The following TMEM9B variants were observed in gnomAD, a reference collection of about 807,000 sequenced individuals.
TMEM9B encodes transmembrane protein 9B.
A neutral mutation model predicts 23.5 loss-of-function variants in TMEM9B; 8 were observed. The observed-to-expected ratio is 0.34, with a 90% CI of 0.20 to 0.61. TMEM9B has a LOEUF of 0.61. TMEM9B is among the 20% of genes least tolerant of loss of function. The probability of loss-of-function intolerance (pLI) is 0.78; values close to 1 mark genes in which losing one functional copy is unlikely to be tolerated. For synonymous variants in TMEM9B, 106 were observed against 96.3 expected (o/e 1.10, Z -0.59); for missense variants, 197 against 252.3 (o/e 0.78, Z 1.49).
chr11:8,948,617 A>G, intron 4 of TMEM9B, 142 bp from the exon 5 acceptor site: 1 of 905,792 alleles, frequency 1.1e-6, no homozygotes, highest in South Asian at 1.8e-5. Flanking sequence ...AGCACTCCTA[A>G]GCGCTCAACT....
intron 1 of TMEM9B, among the ~76,000 whole-genome samples, chr11:8,963,011 TAGTG>T (rs1178491394): frequency 6.6e-6 from 1 of 152,320 alleles, no homozygotes; most frequent in African/African-American, 2.4e-5. Flanking sequence ...AGCAACCACT[TAGTG>T]AGCATTTGCT....
chr11:8,948,526 C>T (rs549783849), intron 4 of TMEM9B, 51 bp from the exon 5 acceptor site: 23 of 1,583,256 alleles, frequency 1.5e-5, no homozygotes, highest in East Asian at 2.2e-5. Context: ...CAGTGTAAAA[C>T]ATAGACACAC....
chr11:8,959,128 G>T (rs1386764151), intron 2 of TMEM9B, among the ~76,000 whole-genome samples: 2 of 152,188 alleles, frequency 1.3e-5, no homozygotes, highest in Non-Finnish European at 2.9e-5. Flanking sequence ...GCTTAGAGAA[G>T]GTCACAGAGT....
intron 3 of TMEM9B, among the ~76,000 whole-genome samples, chr11:8,955,649 G>A (rs1853961285): frequency 6.6e-6 from 1 of 152,136 alleles, no homozygotes; most frequent in African/African-American, 2.4e-5. Context: ...ACAGGAGGTG[G>A]AGCTCAGGTG....
At position 8,956,394 on chromosome 11, in the gene TMEM9B, T is replaced by C. The variant is rs1853974608; in HGVS notation, c.198-96A>G. 7 of 863,596 alleles carry C rather than the reference T, an allele frequency of 8.1e-6. No individual in the cohort carries two copies. In the South Asian group the frequency reaches 8.3e-5, roughly 10 times the overall value. 53.5% of individuals were successfully genotyped at this position (863,596 alleles called of 1,614,324 possible). A position where few individuals can be genotyped will look rare whatever the true frequency, so the allele number is the denominator to read the frequency against. On this transcript the variant is annotated intron_variant, in intron 2 of 4. Transcript: ENST00000534025. ...TGAAATCTAGAATAATCACTAAACT[T>C]ACCCAATGAAAGAGCATAAAAAACA...
At chr11:8,959,384 G>A (rs2134874065) in intron 2 of TMEM9B, among the ~76,000 whole-genome samples, 1 of 152,346 alleles carries the variant, frequency 6.6e-6, no homozygotes, top group South Asian at 2.1e-4. Flanking sequence ...GCTGCAATGA[G>A]CTATGATCGT....
chr11:8,962,241 A>G (rs1187631767), intron 1 of TMEM9B, 58 bp from the exon 2 acceptor site: 17 of 1,133,556 alleles, frequency 1.5e-5, no homozygotes, highest in Non-Finnish European at 1.9e-5. Flanking sequence ...ATATTTTTAA[A>G]AACTGTACCA....
chr11:8,953,199 TTA>T lies in TMEM9B; in HGVS notation c.441+2_441+3del. 6.2e-7 allele frequency: 1 copy of T among 1,614,164 alleles called. No homozygotes were observed. Among genetic ancestry groups the T allele is most frequent in the African/African-American group, 1.3e-5 (1 of 75,018 alleles). On this transcript the variant is annotated splice_donor_variant and splice_donor_region_variant and intron_variant, in intron 4 of 4. Coordinates refer to ENST00000534025, the MANE Select transcript of TMEM9B (RefSeq NM_020644.3). LOFTEE classifies it high-confidence loss of function. ...TGAGCAGCTAGGGCAGGCTGGGAAC[TTA>T]CCCCAATATCATCATCACTCTGTAT...
At chr11:8,952,249 T>TATAC (rs1555228002) in intron 4 of TMEM9B, among the ~76,000 whole-genome samples, 4 of 122,648 alleles carry the variant, frequency 3.3e-5, no homozygotes, top group African/African-American at 5.7e-5. Flanking sequence ...GCCAACTATA[T>TATAC]ACACACACAC....
chr11:8,961,605 C>T (rs1033681708), intron 2 of TMEM9B, among the ~76,000 whole-genome samples: 12 of 152,248 alleles, frequency 7.9e-5, no homozygotes, highest in Non-Finnish European at 2.9e-5. Context: ...TCTTCATTTA[C>T]ACCAAATGGG....
intron 3 of TMEM9B, among the ~76,000 whole-genome samples, chr11:8,954,868 T>C (rs920970617): frequency 1.3e-5 from 2 of 151,806 alleles, no homozygotes; most frequent in Non-Finnish European, 2.9e-5. Flanking sequence ...TAAAAAAAAA[T>C]TAGGCCAGGC....
In TMEM9B at chr11:8,948,295, T is replaced by C. The variant is rs746629765; in HGVS notation, c.*25A>G. On this transcript the variant is annotated 3_prime_UTR_variant, in exon 5 of 5. Coordinates refer to ENST00000534025, the MANE Select transcript of TMEM9B (RefSeq NM_020644.3). ...TTCCAGTTGTCTGCCTGTTTCTTTCTAGTCACCTTGAATTCAATTCCCAAT... is the reference window on the plus strand; with the variant it reads ...TTCCAGTTGTCTGCCTGTTTCTTTCCAGTCACCTTGAATTCAATTCCCAAT... The C allele has an allele frequency of 2.5e-6, 4 of 1,606,420 alleles. 1 individual carries two copies. The South Asian group carries it at 3.3e-5, about 13-fold the overall frequency.
chr11:8,961,919 G>A (rs1013490370), intron 2 of TMEM9B, among the ~76,000 whole-genome samples, 173 bp downstream of exon 2: 3 of 152,150 alleles, frequency 2.0e-5, no homozygotes, highest in African/African-American at 7.2e-5. Context: ...AGGCCTGCAG[G>A]CATCATGCAC....
chr11:8,958,393 C>T (rs1465225751), intron 2 of TMEM9B, among the ~76,000 whole-genome samples: 2 of 145,138 alleles, frequency 1.4e-5, no homozygotes, highest in South Asian at 2.2e-4. Flanking sequence ...ACCTGGGAGG[C>T]AGAGGTTGTA....
chr11:8,960,873 C>A (rs1854067318), intron 2 of TMEM9B, among the ~76,000 whole-genome samples: 1 of 151,862 alleles, frequency 6.6e-6, no homozygotes, highest in Non-Finnish European at 1.5e-5. Context: ...TTAGTAGAGA[C>A]AGGGTTTCAC....
At position 8,957,459 on chromosome 11, in the gene TMEM9B, T is replaced by C. The variant is rs759413240; in HGVS notation, c.198-1161A>G. Among the ~76,000 whole-genome samples the C allele has an allele frequency of 2.6e-5, 4 of 152,248 alleles. No individual in the cohort carries two copies. Among genetic ancestry groups the C allele is most frequent in the Admixed American group, 6.5e-5 (1 of 15,284 alleles). Reference sequence around the variant, plus strand: ...AGCTTTCCTGTCCTCCTGCCAGCTGTTGGACAATTTTCTTTCCTTTTGGCA... The same window carrying C: ...AGCTTTCCTGTCCTCCTGCCAGCTGCTGGACAATTTTCTTTCCTTTTGGCA... On this transcript the variant is annotated intron_variant, in intron 2 of 4. Coordinates refer to ENST00000534025, the MANE Select transcript of TMEM9B (RefSeq NM_020644.3). This position sits in a 1 kb window ranked among gnomAD's most constrained non-coding sequence, Gnocchi z 4.3.
chr11:8,960,628 G>A (rs1417388551), intron 2 of TMEM9B, among the ~76,000 whole-genome samples: 1 of 151,812 alleles, frequency 6.6e-6, no homozygotes, highest in Non-Finnish European at 1.5e-5. Flanking sequence ...TAAACTGTAA[G>A]CACTGAATAA....
intron 1 of TMEM9B, among the ~76,000 whole-genome samples, chr11:8,963,550 G>C (rs936775100): frequency 1.3e-5 from 2 of 152,194 alleles, no homozygotes; most frequent in African/African-American, 4.8e-5. Flanking sequence ...TTGCAGTTTG[G>C]TTCTTCCCTT....
At chr11:8,952,249 T>TATACACAC (rs1555228002) in intron 4 of TMEM9B, among the ~76,000 whole-genome samples, 2 of 122,646 alleles carry the variant, frequency 1.6e-5, no homozygotes, top group East Asian at 4.9e-4. Context: ...GCCAACTATA[T>TATACACAC]ACACACACAC....
Sources: allele counts gnomAD v4.1 joint callset (sites outside exome capture counted in the v4.1 genomes callset), GRCh38; gene constraint gnomAD v4.1.1; non-coding constraint Gnocchi (gnomAD v3.1); transcripts MANE v1.5; gene names NCBI Gene and HGNC (gene_info 2026-07-23, HGNC 2026-07-21).